NKAIN3: variants seen among roughly 807,000 people sequenced by gnomAD.
NKAIN3 encodes the protein sodium/potassium transporting ATPase interacting 3, also known as sodium/potassium-transporting ATPase subunit beta-1-interacting protein 3.
A neutral mutation model predicts 30.2 loss-of-function variants in NKAIN3; 25 were observed. The ratio of observed to expected loss-of-function variants is 0.83; its 90% confidence interval spans 0.60 to 1.16. NKAIN3 has a LOEUF of 1.16. Among genes scored for constraint, NKAIN3 ranks in the 50% most tolerant of loss-of-function variants. The probability of loss-of-function intolerance (pLI) is 0.00; values close to 1 mark genes in which losing one functional copy is unlikely to be tolerated. For missense variants in NKAIN3, 225 were observed against 254.1 expected, an observed-to-expected ratio of 0.89 and a Z score of 0.78; for synonymous variants, 91 against 89.6, an observed-to-expected ratio of 1.02 and a Z score of -0.09.
intron 1 of NKAIN3, among the ~76,000 whole-genome samples, chr8:62,356,680 GC>G (rs1816367898): frequency 6.6e-6 from 1 of 152,094 alleles, no homozygotes; most frequent in Middle Eastern, 3.2e-3. Flanking sequence ...TTTTCACACA[GC>G]CTTCAGAGTA....
intron 1 of NKAIN3, among the ~76,000 whole-genome samples, chr8:62,265,255 T>G (rs1176461665): frequency 1.3e-5 from 2 of 152,242 alleles, no homozygotes; most frequent in East Asian, 3.8e-4. Context: ...CGTAAAGCCA[T>G]GAAAGTGACT....
intron 5 of NKAIN3, among the ~76,000 whole-genome samples, chr8:62,997,476 A>C (rs1480933165): frequency 6.6e-6 from 1 of 152,198 alleles, no homozygotes; most frequent in Admixed American, 6.5e-5. Flanking sequence ...CTTAAATAAA[A>C]GTGATAAAGA....
chr8:62,872,535 C>T (rs1820676595), intron 4 of NKAIN3, among the ~76,000 whole-genome samples: 1 of 152,194 alleles, frequency 6.6e-6, no homozygotes, highest in African/African-American at 2.4e-5. Flanking sequence ...TGTTCATGTC[C>T]CCTCCTGCCC....
rs538161756 is a variant in NKAIN3, at chr8:62,294,808, G to T, written c.54+45681G>T. ...TATTCTCCCACCTCAGCCTCCCAAA[G>T]TACTGGGAATATAAGTGTGAGTCAC... On this transcript the variant is annotated intron_variant, in intron 1 of 6. Transcript: ENST00000623646. Among the ~76,000 whole-genome samples the T allele has an allele frequency of 3.3e-3, 505 of 152,228 alleles. 1 individual carries two copies. The highest frequency in any genetic ancestry group is 0.011 in the African/African-American group (477 of 41,544).
chr8:62,279,383 T>A lies in NKAIN3; in HGVS notation c.54+30256T>A, dbSNP rs192358000. 2.8e-3 allele frequency among the ~76,000 whole-genome samples: 431 copies of A among 152,242 alleles called. 3 individuals are homozygous for A. Among genetic ancestry groups the A allele is most frequent in the African/African-American group, 9.6e-3 (400 of 41,554 alleles). On this transcript the variant is annotated intron_variant, in intron 1 of 6. Transcript: ENST00000623646. ...CAGAAGCTCTTTAGTTTAAATAGAT[T>A]CCATTCGTCAATTTTGGATTTTTGT...
At position 62,969,847 on chromosome 8, in the gene NKAIN3, G is replaced by T. The variant is rs1823793251; in HGVS notation, c.*4440G>T. Among the ~76,000 whole-genome samples the T allele has an allele frequency of 6.6e-6, 1 of 152,074 alleles. No individual in the cohort carries two copies. The highest frequency in any genetic ancestry group is 2.4e-5 in the African/African-American group (1 of 41,402). ...CAACTTAAGGATATTATGCCCAAAAGTGAACTGACAGAGGAAAGTACTCTT... is the reference window on the plus strand; with the variant it reads ...CAACTTAAGGATATTATGCCCAAAATTGAACTGACAGAGGAAAGTACTCTT... On this transcript the variant is annotated 3_prime_UTR_variant, in exon 7 of 7. Transcript: ENST00000623646.
intron 3 of NKAIN3, among the ~76,000 whole-genome samples, chr8:62,699,018 C>A (rs1814250029): frequency 6.6e-6 from 1 of 152,130 alleles, no homozygotes; most frequent in Non-Finnish European, 1.5e-5. Flanking sequence ...TCTTTAGGTT[C>A]TTCATCTGCT....
chr8:62,414,455 TAA>T (rs1358712484), intron 1 of NKAIN3, among the ~76,000 whole-genome samples: 1 of 152,222 alleles, frequency 6.6e-6, no homozygotes, highest in Non-Finnish European at 1.5e-5. Flanking sequence ...TTTTAGTGTA[TAA>T]TCACCTCTTA....
At chr8:62,898,395 G>T (rs1270866343) in intron 4 of NKAIN3, among the ~76,000 whole-genome samples, 3 of 152,110 alleles carry the variant, frequency 2.0e-5, no homozygotes, top group Admixed American at 2.0e-4. Context: ...AAAAAAGAAT[G>T]AAATAATGTC....
intron 4 of NKAIN3, among the ~76,000 whole-genome samples, chr8:62,865,147 C>G (rs975552364): frequency 4.4e-4 from 67 of 152,138 alleles, no homozygotes; most frequent in African/African-American, 1.4e-3. Context: ...CATCACCAAG[C>G]TGAAACCCTG....
intron 1 of NKAIN3, among the ~76,000 whole-genome samples, chr8:62,312,527 G>T (rs923118669): frequency 5.3e-5 from 8 of 150,490 alleles, no homozygotes; most frequent in Non-Finnish European, 1.0e-4. Context: ...AATTTAAAAG[G>T]TGTGGTGGGG....
chr8:62,719,870 C>A (rs765904189), intron 3 of NKAIN3, among the ~76,000 whole-genome samples: 5 of 150,876 alleles, frequency 3.3e-5, no homozygotes, highest in Admixed American at 6.6e-5. Flanking sequence ...CATTCTCCTG[C>A]CTCAGCCTCC....
intron 1 of NKAIN3, among the ~76,000 whole-genome samples, chr8:62,298,267 A>G (rs528587303): frequency 2.0e-5 from 3 of 152,278 alleles, no homozygotes; most frequent in South Asian, 2.1e-4. Context: ...GCACATGTAT[A>G]CATATGTAAC....
chr8:62,549,332 T>G (rs1809115922), intron 1 of NKAIN3, among the ~76,000 whole-genome samples: 1 of 152,174 alleles, frequency 6.6e-6, no homozygotes, highest in Non-Finnish European at 1.5e-5. Flanking sequence ...ACTTCTTTTT[T>G]TGGGGGATCG....
At chr8:62,734,670 C>T (rs760365951) in intron 3 of NKAIN3, among the ~76,000 whole-genome samples, 7 of 152,022 alleles carry the variant, frequency 4.6e-5, no homozygotes, top group South Asian at 2.1e-4. Context: ...AATACAGTCA[C>T]GGAAAGGAGA....
At chr8:62,683,022 T>C (rs961917373) in intron 3 of NKAIN3, among the ~76,000 whole-genome samples, 1 of 121,900 alleles carries the variant, frequency 8.2e-6, no homozygotes, top group Non-Finnish European at 1.9e-5. Flanking sequence ...TGTTTGTTTG[T>C]TTTTTTGTTT....
At chr8:62,901,950 G>A (rs1176256451) in intron 4 of NKAIN3, among the ~76,000 whole-genome samples, 1 of 152,184 alleles carries the variant, frequency 6.6e-6, no homozygotes, top group South Asian at 2.1e-4. Flanking sequence ...ACCCTCAATG[G>A]CTCCTTATTG....
In NKAIN3 at chr8:62,397,190, C is replaced by T. The variant is rs149934430; in HGVS notation, c.54+148063C>T. Among the ~76,000 whole-genome samples the T allele has an allele frequency of 4.5e-3, 688 of 152,146 alleles. 6 individuals carry two copies. Among genetic ancestry groups the T allele is most frequent in the African/African-American group, 0.016 (653 of 41,494 alleles). On this transcript the variant is annotated intron_variant, in intron 1 of 6. Coordinates refer to ENST00000623646, the MANE Select transcript of NKAIN3 (RefSeq NM_001304533.3). ...CTCGAAGGACCACTGATCCTTGCTA[C>T]CACCCTGATATTTAATTAGAGGAGA... is the stretch of plus-strand genomic sequence containing the variant.
At chr8:62,640,864 C>A (rs905739176) in intron 3 of NKAIN3, among the ~76,000 whole-genome samples, 1 of 152,052 alleles carries the variant, frequency 6.6e-6, no homozygotes, top group African/African-American at 2.4e-5. Context: ...TTTCTAGTTT[C>A]TTAAATCGAA....
Sources: allele counts gnomAD v4.1 joint callset (sites outside exome capture counted in the v4.1 genomes callset), GRCh38; gene constraint gnomAD v4.1.1; transcripts MANE v1.5; gene names NCBI Gene and HGNC (gene_info 2026-07-23, HGNC 2026-07-21).